The following NBPF14 variants were observed in gnomAD, a reference collection of about 807,000 sequenced individuals.
NBPF14 encodes the protein NBPF family member NBPF14.
NBPF14 carries 104 observed loss-of-function variants against 91.2 expected under a neutral mutation model. The ratio of observed to expected loss-of-function variants is 1.14; its 90% CI spans 0.97 to 1.34. The LOEUF (loss-of-function observed/expected upper bound fraction) is 1.34, where lower values mean the gene tolerates loss of function less well. NBPF14 is among the 40% of genes most tolerant of loss of function. The pLI is 0.00. For synonymous variants in NBPF14, 294 were observed against 303.8 expected (o/e 0.97, Z 0.34); for missense variants, 908 against 783.0 (o/e 1.16, Z -1.91).
In NBPF14 at chr1:148,534,655, G is replaced by A. The variant is rs782373781; in HGVS notation, c.8614+29C>T. The stretch of plus-strand genomic sequence containing the variant: ...CCCCTATCTGGAAGACCAGGTGGAG[G>A]CTTATCACCTTCATAGTAAGGTACT... On this transcript the variant is annotated intron_variant, in intron 69 of 70. Transcript: ENST00000619423. The A allele has an allele frequency of 1.3e-5, 11 of 849,848 alleles. 1 individual carries two copies. Among genetic ancestry groups the A allele is most frequent in the Non-Finnish European group, 2.3e-5 (11 of 488,084 alleles). The allele number at this position is 849,848 out of a possible 1,614,324, so 52.6% of individuals were successfully genotyped here.
chr1:148,577,416 G>T (rs1207829200), intron 14 of NBPF14, 61 bp from the exon 15 acceptor site: 2 of 654,996 alleles, frequency 3.1e-6, no homozygotes, highest in Non-Finnish European at 5.6e-6. Flanking sequence ...CACAGCCCCA[G>T]CTAGATTTCA....
chr1:148,561,888 A>T (rs1446623569), intron 34 of NBPF14, among the ~76,000 whole-genome samples: 1 of 132,056 alleles, frequency 7.6e-6, no homozygotes, highest in African/African-American at 3.8e-5. Context: ...CTGATGAGGG[A>T]GTAACAGGAC....
Position 148,534,680 on chromosome 1 carries a change from T to A in NBPF14, c.8614+4A>T, listed in dbSNP as rs1466211519. Reference sequence around the variant, plus strand: ...GCTTATCACCTTCATAGTAAGGTACTCACTGTCCACGTCAAGAGCCAAGCC... The same window carrying A: ...GCTTATCACCTTCATAGTAAGGTACACACTGTCCACGTCAAGAGCCAAGCC... On this transcript the variant is annotated splice_donor_region_variant and intron_variant, in intron 69 of 70. Coordinates refer to ENST00000619423, the Ensembl canonical transcript of NBPF14. The A allele has an allele frequency of 6.2e-6, 5 of 800,414 alleles. No homozygotes were observed. In the East Asian group the frequency reaches 7.3e-5, roughly 12 times the overall value. The allele number at this position is 800,414 out of a possible 1,614,324, so 49.6% of individuals were successfully genotyped here. A position where few individuals can be genotyped will look rare whatever the true frequency, so the allele number is the denominator to read the frequency against.
At chr1:148,534,918 C>T in intron 68 of NBPF14, 62 bp from the exon 69 acceptor site, 3 of 730,226 alleles carry the variant, frequency 4.1e-6, no homozygotes, top group Admixed American at 2.0e-5. Flanking sequence ...ACAGCCCCAG[C>T]TAGATTTCAT....
At chr1:148,577,582 A>C (rs1283376038) in intron 14 of NBPF14, among the ~76,000 whole-genome samples, 2 of 150,740 alleles carry the variant, frequency 1.3e-5, no homozygotes, top group African/African-American at 5.0e-5. Flanking sequence ...ACACACTCAC[A>C]CACACACAGA....
intron 69 of NBPF14, among the ~76,000 whole-genome samples, 195 bp downstream of exon 69, chr1:148,534,489 G>A (rs1431524781): frequency 3.3e-5 from 5 of 151,834 alleles, no homozygotes; most frequent in Admixed American, 2.6e-4. Flanking sequence ...ACTAGGAAGA[G>A]AGTCTTGCTC....
intron 3 of NBPF14, 145 bp downstream of exon 3, chr1:148,593,453 A>T (rs1662827721): frequency 1.6e-6 from 1 of 639,386 alleles, no homozygotes; most frequent in Non-Finnish European, 2.7e-6. Context: ...TTGTTCTCTG[A>T]TAAATATTTT....
At chr1:148,536,049 C>G (rs1195042218) in intron 67 of NBPF14, among the ~76,000 whole-genome samples, 175 bp downstream of exon 67, 103 of 137,382 alleles carry the variant, frequency 7.5e-4, no homozygotes, top group Middle Eastern at 3.8e-3. Flanking sequence ...CTCACTGACC[C>G]ATCCCTTGTC....
At chr1:148,587,339 C>T in exon 8 of NBPF14, 7 of 1,582,294 alleles carry the variant, frequency 4.4e-6, no homozygotes, top group South Asian at 1.1e-5. Flanking sequence ...CCGCAAGCTT[C>T]TCCTCCTTGA....
intron 7 of NBPF14, among the ~76,000 whole-genome samples, chr1:148,587,610 T>G (rs1361159917): frequency 2.1e-5 from 3 of 144,946 alleles, no homozygotes; most frequent in Non-Finnish European, 4.6e-5. Context: ...AAAGAGAACC[T>G]CAAGGGCACA....
At chr1:148,595,450 G>A (rs1663166010) in intron 2 of NBPF14, 93 bp downstream of exon 2, 1 of 1,315,266 alleles carries the variant, frequency 7.6e-7, no homozygotes, top group African/African-American at 1.4e-5. Context: ...CAGGAAGGAT[G>A]AAATTATTTT....
At chr1:148,559,603 C>T (rs1657302571) in intron 37 of NBPF14, among the ~76,000 whole-genome samples, 190 bp downstream of exon 37, 2 of 124,160 alleles carry the variant, frequency 1.6e-5, no homozygotes, top group African/African-American at 4.3e-5. Flanking sequence ...AGGAAGAGAG[C>T]CTTGCTCACT....
chr1:148,576,124 A>T (rs1336553869), intron 16 of NBPF14, among the ~76,000 whole-genome samples: 1 of 121,680 alleles, frequency 8.2e-6, no homozygotes, highest in Non-Finnish European at 1.6e-5. Context: ...GCGAACAGTG[A>T]TCATGAAAAG....
At chr1:148,566,341 A>T (rs1250136480) in intron 28 of NBPF14, 26 bp from the exon 29 acceptor site, 27 of 764,972 alleles carry the variant, frequency 3.5e-5, no homozygotes, top group Non-Finnish European at 6.3e-5. Context: ...AAGGTAAAGA[A>T]TAAGCCAGGG....
chr1:148,572,327 G>T, intron 21 of NBPF14, 116 bp downstream of exon 21: 1 of 259,364 alleles, frequency 3.9e-6, no homozygotes, highest in South Asian at 2.5e-5. Flanking sequence ...TGCGCCCATA[G>T]GTCCTGCCTG....
intron 28 of NBPF14, 122 bp from the exon 29 acceptor site, chr1:148,566,437 G>C: frequency 1.7e-6 from 1 of 602,702 alleles, no homozygotes; most frequent in Non-Finnish European, 2.9e-6. Context: ...ATCCATTAAT[G>C]AGGTAACAAA....
intron 69 of NBPF14, among the ~76,000 whole-genome samples, chr1:148,534,474 C>T (rs1230212452): frequency 2.0e-5 from 3 of 151,674 alleles, no homozygotes; most frequent in African/African-American, 7.3e-5. Context: ...CAGGTATGGC[C>T]TGAGACTAGG....
At chr1:148,560,219 G>T (rs1404039943) in intron 36 of NBPF14, among the ~76,000 whole-genome samples, 1 of 150,930 alleles carries the variant, frequency 6.6e-6, no homozygotes, top group Non-Finnish European at 1.5e-5. Flanking sequence ...TAGTGAATTG[G>T]CCAGGTGACA....
intron 3 of NBPF14, among the ~76,000 whole-genome samples, chr1:148,593,200 G>C (rs1214942784): frequency 1.3e-5 from 2 of 148,414 alleles, no homozygotes; most frequent in Non-Finnish European, 1.5e-5. Context: ...GAAGGACAGG[G>C]TCGAGGAGGC....
Sources: gnomAD v4.1 joint callset for allele counts (sites outside exome capture counted in the v4.1 genomes callset) on GRCh38, gnomAD v4.1.1 for gene constraint, MANE v1.5 for transcripts, NCBI Gene and HGNC (gene_info 2026-07-23, HGNC 2026-07-21) for gene names.